Variants in BBS2 observed in about 807,000 individuals in gnomAD.
BBS2 encodes the protein Bardet-Biedl syndrome 2.
BBS2 carries 62 observed loss-of-function variants against 83.0 expected under a neutral mutation model. The observed-to-expected ratio is 0.75, with a 90% CI of 0.61 to 0.92. BBS2 has a LOEUF of 0.92. BBS2 is among the 40% of genes least tolerant of loss of function. The pLI, the probability that BBS2 is intolerant of heterozygous loss-of-function variation, is 0.00. For missense variants in BBS2, 784 were observed against 901.0 expected (o/e 0.87, Z 1.66); for synonymous variants, 303 against 326.1 (o/e 0.93, Z 0.76).
chr16:56,475,561 A>G (rs1963430278), intron 17 of BBS2: 1 of 1,613,764 alleles, frequency 6.2e-7, no homozygotes, highest in Non-Finnish European at 8.5e-7. Context: ...GGTGAAGATG[A>G]AGAGGTAAGT....
At chr16:56,498,385 T>C (rs1964170787) in intron 13 of BBS2, 52 bp downstream of exon 13, 1 of 1,602,734 alleles carries the variant, frequency 6.2e-7, no homozygotes, top group Non-Finnish European at 8.5e-7. Flanking sequence ...TCTAAGTGTT[T>C]GAATAAATAA....
At chr16:56,480,350 C>CAAA (rs1356996256), downstream of BBS2, among the ~76,000 whole-genome samples, 6 of 27,324 alleles carry the variant, frequency 2.2e-4, no homozygotes, top group South Asian at 1.2e-3. Flanking sequence ...CACACACACA[C>CAAA]ACAAAAAAAA....
At position 56,509,954 on chromosome 16, in the gene BBS2, T is replaced by C; in HGVS notation, c.612+3A>G. On this transcript the variant is annotated splice_donor_region_variant and intron_variant, in intron 5 of 16. Coordinates refer to ENST00000245157, the MANE Select transcript of BBS2 (RefSeq NM_031885.5). ...TACCATAGTTCGAGGTGGAGCTTCT[T>C]ACCTCTGTTTCTGTCATTTCTGCCA... 6.2e-7 allele frequency: 1 copy of C among 1,614,016 alleles called. No homozygotes were observed. Among genetic ancestry groups the C allele is most frequent in the South Asian group, 1.1e-5 (1 of 91,082 alleles).
chr16:56,486,560 T>G (rs1311930904), intron 15 of BBS2, among the ~76,000 whole-genome samples: 2 of 152,156 alleles, frequency 1.3e-5, no homozygotes, highest in Non-Finnish European at 1.5e-5. Flanking sequence ...GATGAATCTC[T>G]AAGACATTAT....
chr16:56,511,365 A>G, intron 2 of BBS2, 81 bp from the exon 3 acceptor site: 35 of 1,583,400 alleles, frequency 2.2e-5, no homozygotes, highest in Non-Finnish European at 2.9e-5. Flanking sequence ...TTTTGAGTAA[A>G]CTGAGCAGAT....
Position 56,476,304 on chromosome 16 carries a change from G to A in BBS2, c.*1-5609C>T. 3 of 1,128,902 alleles carry A rather than the reference G, an allele frequency of 2.7e-6. No homozygotes were observed. In the South Asian group the frequency reaches 4.9e-5, roughly 18 times the overall value. The allele number at this position is 1,128,902 out of a possible 1,614,324, so 69.9% of individuals were successfully genotyped here. ...GTCAAGGAGAACTACATGGTAGCTTGCCTGACAGTGTTCTTAAAACTGGTT... is the reference window on the plus strand; with the variant it reads ...GTCAAGGAGAACTACATGGTAGCTTACCTGACAGTGTTCTTAAAACTGGTT... On this transcript the variant is annotated intron_variant, in intron 17 of 17. Coordinates refer to the BBS2 transcript ENST00000682047.
chr16:56,496,747 G>A (rs1964125251), intron 15 of BBS2, among the ~76,000 whole-genome samples: 1 of 152,142 alleles, frequency 6.6e-6, no homozygotes, highest in Admixed American at 6.5e-5. Flanking sequence ...TGGTTTATAA[G>A]CATACATATA....
At chr16:56,506,284 T>C in intron 5 of BBS2, 60 bp from the exon 6 acceptor site, 1 of 1,299,338 alleles carries the variant, frequency 7.7e-7, no homozygotes, top group South Asian at 1.2e-5. Context: ...TACTGTCAAG[T>C]ACGGCTTTAT....
chr16:56,493,198 G>C (rs1185227015), intron 15 of BBS2, among the ~76,000 whole-genome samples: 1 of 151,870 alleles, frequency 6.6e-6, no homozygotes, highest in Non-Finnish European at 1.5e-5. Flanking sequence ...ACCAGCCCAG[G>C]CAATGTGGTG....
chr16:56,502,637 C>T (rs999043689), intron 8 of BBS2, 36 bp downstream of exon 8: 34 of 1,613,964 alleles, frequency 2.1e-5, no homozygotes, highest in Middle Eastern at 3.3e-4. Flanking sequence ...AAATGGAAAA[C>T]GTGACTTTTT....
In BBS2 at chr16:56,484,643, C is replaced by A. The variant is rs1285814296; in HGVS notation, c.*118G>T. The A allele has an allele frequency of 1.7e-5, 14 of 801,338 alleles. No homozygotes were observed. In the East Asian group the frequency reaches 3.8e-4, roughly 22 times the overall value. The allele number at this position is 801,338 out of a possible 1,614,324, so 49.6% of individuals were successfully genotyped here. ...CTTTGTCTTTAATTTGTACAACTCA[C>A]CAAGGTTATTTTCATTCTTAGCACC... is the stretch of plus-strand genomic sequence containing the variant. On this transcript the variant is annotated 3_prime_UTR_variant, in exon 17 of 17. Coordinates refer to ENST00000245157, the MANE Select transcript of BBS2 (RefSeq NM_031885.5).
intron 14 of BBS2, chr16:56,497,496 G>A (rs1373414575): frequency 1.8e-6 from 1 of 558,206 alleles, no homozygotes; most frequent in East Asian, 3.2e-5. Context: ...AAAGGAAAAT[G>A]TTAATATTTA....
intron 15 of BBS2, among the ~76,000 whole-genome samples, chr16:56,491,725 C>CAAAAAA (rs773397021): frequency 1.3e-3 from 58 of 43,102 alleles, no homozygotes; most frequent in Admixed American, 1.9e-3. Context: ...AACTCAACAG[C>CAAAAAA]AAAAAAAAAA....
At chr16:56,514,727 A>T in intron 1 of BBS2, 47 bp from the exon 2 acceptor site, 1 of 1,399,308 alleles carries the variant, frequency 7.1e-7, no homozygotes, top group Middle Eastern at 2.2e-4. Context: ...ATAAAAAATT[A>T]GTATCATACA....
intron 17 of BBS2, among the ~76,000 whole-genome samples, chr16:56,473,304 C>T (rs770021717): frequency 1.3e-5 from 2 of 152,192 alleles, no homozygotes; most frequent in Non-Finnish European, 2.9e-5. Flanking sequence ...ATGTATGCCA[C>T]AATTAAGTTT....
chr16:56,493,105 G>A (rs554856582), intron 15 of BBS2, among the ~76,000 whole-genome samples: 14 of 152,218 alleles, frequency 9.2e-5, no homozygotes, highest in Admixed American at 8.5e-4. Flanking sequence ...GCAAGGTGGA[G>A]GCTGGACACA....
intron 7 of BBS2, 117 bp downstream of exon 7, chr16:56,505,833 T>C (rs1473750638): frequency 1.4e-5 from 11 of 786,692 alleles, no homozygotes; most frequent in Admixed American, 3.8e-5. Context: ...TGTAAAAACA[T>C]TGCCAAGGAA....
At chr16:56,476,170 G>C (rs758309939) in intron 17 of BBS2, 2 of 1,612,734 alleles carry the variant, frequency 1.2e-6, no homozygotes, top group Non-Finnish European at 1.7e-6. Flanking sequence ...AAACAGAACA[G>C]GTTTCTGGGA....
downstream of BBS2, among the ~76,000 whole-genome samples, chr16:56,480,366 C>CAAAAAA (rs1157907841): frequency 1.1e-5 from 1 of 90,260 alleles, no homozygotes; most frequent in African/African-American, 4.2e-5. Flanking sequence ...AAAAAAAAAA[C>CAAAAAA]AAAAAAAAAA....
Sources: gnomAD v4.1 joint callset for allele counts (sites outside exome capture counted in the v4.1 genomes callset) on GRCh38, gnomAD v4.1.1 for gene constraint, MANE v1.5 for transcripts, NCBI Gene and HGNC (gene_info 2026-07-23, HGNC 2026-07-21) for gene names.